FAM50B: variants seen among roughly 807,000 people sequenced by gnomAD.
The protein encoded by FAM50B is family with sequence similarity 50 member B.
FAM50B carries 9 observed loss-of-function variants against 25.4 expected under a neutral mutation model. The ratio of observed to expected loss-of-function variants is 0.35; its 90% CI spans 0.21 to 0.62. FAM50B has a LOEUF of 0.62. Ranked by LOEUF, FAM50B falls within the 20% of genes least tolerant of loss-of-function variation. The pLI, the probability that FAM50B is intolerant of heterozygous loss-of-function variation, is 0.73. For synonymous variants in FAM50B, 212 were observed against 204.3 expected (o/e 1.04, Z -0.32); for missense variants, 372 against 477.9 (o/e 0.78, Z 2.07).
At chr6:3,842,194 A>G in the FAM50B span, among the ~76,000 whole-genome samples, 1 of 152,282 alleles carries the variant, frequency 6.6e-6, no homozygotes, top group Non-Finnish European at 1.5e-5. Flanking sequence ...TGCTAAGGGC[A>G]GTATTGAAAA....
Position 3,850,054 on chromosome 6 carries a change from C to G in FAM50B, c.243C>G (p.Val81=). Residue 81 remains valine, a synonymous_variant, in exon 2 of 2, where the codon GTC becomes GTG. Coordinates refer to ENST00000648326, the MANE Select transcript of FAM50B (RefSeq NM_012135.3). ...TGAAGGCCCGGCAGGAGGCCCTGGTCAGGGAGCGCGAGCGGCAGCTGGCCA... is the reference window on the plus strand; with the variant it reads ...TGAAGGCCCGGCAGGAGGCCCTGGTGAGGGAGCGCGAGCGGCAGCTGGCCA... ...NDMKARQEAL[V]RERERQLAKR... is the part of the protein sequence containing the mutation. 1 of 1,612,430 alleles carries G rather than the reference C, an allele frequency of 6.2e-7. No homozygotes were observed. Among genetic ancestry groups the G allele is most frequent in the Non-Finnish European group, 8.5e-7 (1 of 1,179,412 alleles).
the FAM50B span, among the ~76,000 whole-genome samples, chr6:3,840,104 T>C: frequency 6.6e-6 from 1 of 151,524 alleles, no homozygotes; most frequent in African/African-American, 2.4e-5. Flanking sequence ...GCCATTCCCC[T>C]GCCTCAGCCT....
the FAM50B span, among the ~76,000 whole-genome samples, chr6:3,843,619 C>G: frequency 1.3e-5 from 2 of 152,172 alleles, no homozygotes; most frequent in African/African-American, 4.8e-5. Flanking sequence ...AAGCTTTTCC[C>G]TTCTAGTATA....
rs1369364370 is a variant in FAM50B at position 3,850,985 on chromosome 6, A to C, written c.*196A>C. On this transcript the variant is annotated 3_prime_UTR_variant, in exon 2 of 2. Coordinates refer to ENST00000648326, the MANE Select transcript of FAM50B (RefSeq NM_012135.3). ...TTGGTTGGTCTTTTCTGAGTATTTTAGTGTTGCCACCTGGATTTGCTGCAT... is the reference window on the plus strand; with the variant it reads ...TTGGTTGGTCTTTTCTGAGTATTTTCGTGTTGCCACCTGGATTTGCTGCAT... 1.2e-6 allele frequency: 1 copy of C among 861,448 alleles called. No individual in the cohort carries two copies. The highest frequency in any genetic ancestry group is 1.7e-5 in the African/African-American group (1 of 58,324). The allele number at this position is 861,448 out of a possible 1,614,324, so 53.4% of individuals were successfully genotyped here.
At chr6:3,846,514 G>C (rs1359989886), upstream of FAM50B, among the ~76,000 whole-genome samples, 1 of 152,184 alleles carries the variant, frequency 6.6e-6, no homozygotes, top group African/African-American at 2.4e-5. Flanking sequence ...GACTGATCAG[G>C]GTGGTGGTTG....
At chr6:3,838,025 G>C in the FAM50B span, among the ~76,000 whole-genome samples, 8 of 152,300 alleles carry the variant, frequency 5.3e-5, 1 homozygote, top group East Asian at 1.5e-3. Context: ...AGAGGAACTG[G>C]AACTCTCATA....
Position 3,851,085 on chromosome 6 carries a change from T to G in FAM50B, c.*296T>G. 2.6e-6 allele frequency: 1 copy of G among 384,294 alleles called. No homozygotes were observed. The highest frequency in any genetic ancestry group is 5.0e-6 in the Non-Finnish European group (1 of 201,690). The allele number at this position is 384,294 out of a possible 1,614,324, so 23.8% of individuals were successfully genotyped here. A position where few individuals can be genotyped will look rare whatever the true frequency, so the allele number is the denominator to read the frequency against. ...AAATTAGAATAGGAGGCACATTTTT[T>G]ACCTGGTGGTTATGAGCATGGACTT... On this transcript the variant is annotated 3_prime_UTR_variant, in exon 2 of 2. Transcript: ENST00000648326.
upstream of FAM50B, among the ~76,000 whole-genome samples, chr6:3,848,695 T>A (rs972562273): frequency 1.3e-5 from 2 of 152,082 alleles, no homozygotes; most frequent in African/African-American, 4.8e-5. Context: ...TCTGCCCTGC[T>A]CTTGGAGAGT....
Position 3,850,411 on chromosome 6 carries a change from G to A in FAM50B, c.600G>A (p.Thr200=), listed in dbSNP as rs751591645. The part of the protein sequence containing the change: ...SYWDGSGHRR[T]VRVRKGNTVQ... ...GGGACGGCTCGGGCCACCGGCGCAC[G>A]GTGCGGGTGCGCAAGGGCAACACGG... Residue 200 remains threonine (T), a synonymous_variant, in exon 2 of 2, where the codon ACG becomes ACA. Transcript: ENST00000648326. The A allele has an allele frequency of 6.2e-7, 1 of 1,613,322 alleles. No individual in the cohort carries two copies. The highest frequency in any genetic ancestry group is 8.5e-7 in the Non-Finnish European group (1 of 1,179,892).
chr6:3,849,698 C>G, intron 1 of FAM50B, 91 bp from the exon 2 acceptor site: 2 of 1,437,062 alleles, frequency 1.4e-6, no homozygotes, highest in Non-Finnish European at 1.8e-6. Flanking sequence ...TCCATCACTG[C>G]CGAAAGCCCT....
chr6:3,843,703 G>A, the FAM50B span, among the ~76,000 whole-genome samples: 1 of 152,094 alleles, frequency 6.6e-6, no homozygotes, highest in Non-Finnish European at 1.5e-5. Flanking sequence ...CCAAAATATT[G>A]GCTTTCCACC....
intron 1 of FAM50B, 99 bp from the exon 2 acceptor site, chr6:3,849,690 C>T: frequency 8.4e-6 from 12 of 1,432,402 alleles, no homozygotes; most frequent in Non-Finnish European, 1.1e-5. Flanking sequence ...TGAACGCTTC[C>T]ATCACTGCCG....
the FAM50B span, among the ~76,000 whole-genome samples, chr6:3,834,943 G>A: frequency 6.6e-6 from 1 of 152,184 alleles, no homozygotes. Context: ...TCTTTCAGGT[G>A]TAGAACTGCA....
In FAM50B at chr6:3,850,049, C is replaced by T. The variant is rs1762186571; in HGVS notation, c.238C>T (p.Leu80=). The change falls in exon 2 of 2, where the codon CTG becomes TTG. Residue 80 remains leucine (L), a synonymous_variant. Coordinates refer to ENST00000648326, the MANE Select transcript of FAM50B (RefSeq NM_012135.3). ...CGACATGAAGGCCCGGCAGGAGGCC[C>T]TGGTCAGGGAGCGCGAGCGGCAGCT... ...LNDMKARQEA[L]VRERERQLAK... is the part of the protein sequence containing the mutation. 1.2e-6 allele frequency: 2 copies of T among 1,612,796 alleles called. No individual in the cohort carries two copies. The highest frequency in any genetic ancestry group is 1.7e-5 in the Admixed American group (1 of 59,910).
Position 3,849,436 on chromosome 6 carries a change from C to G in FAM50B, c.-74C>G, listed in dbSNP as rs941844926. The G allele has an allele frequency of 1.5e-5, 3 of 194,884 alleles. No homozygotes were observed. The highest frequency in any genetic ancestry group is 7.0e-5 in the African/African-American group (3 of 42,658). The allele number at this position is 194,884 out of a possible 1,614,324, so 12.1% of individuals were successfully genotyped here. On this transcript the variant is annotated 5_prime_UTR_variant, in exon 1 of 2. Transcript: ENST00000648326. ...AGTGGGCCTCTGCTCGTGGGTGGTT[C>G]TCGTGGAGGTCAGCTCCCGCGTGTC... is the stretch of plus-strand genomic sequence containing the variant.
upstream of FAM50B, among the ~76,000 whole-genome samples, chr6:3,845,198 C>T (rs570693406): frequency 6.6e-6 from 1 of 152,272 alleles, no homozygotes; most frequent in Non-Finnish European, 1.5e-5. Flanking sequence ...TTCTACAGAA[C>T]AGTATATCAG....
chr6:3,837,749 C>CA, the FAM50B span, among the ~76,000 whole-genome samples: 6 of 151,524 alleles, frequency 4.0e-5, no homozygotes, highest in African/African-American at 1.5e-4. Context: ...GAAGACATCA[C>CA]AGAGAGAGAG....
chr6:3,841,544 C>T, the FAM50B span, among the ~76,000 whole-genome samples: 2 of 152,158 alleles, frequency 1.3e-5, no homozygotes, highest in African/African-American at 2.4e-5. Context: ...ATTGTTATAA[C>T]GTTGTCAGAG....
At chr6:3,844,926 C>T (rs1762104645), upstream of FAM50B, among the ~76,000 whole-genome samples, 1 of 152,090 alleles carries the variant, frequency 6.6e-6, no homozygotes, top group Non-Finnish European at 1.5e-5. Context: ...TGTAATATGC[C>T]TATTTCCTCC....
Sources: allele counts gnomAD v4.1 joint callset (sites outside exome capture counted in the v4.1 genomes callset), GRCh38; gene constraint gnomAD v4.1.1; transcripts MANE v1.5; gene names NCBI Gene and HGNC (gene_info 2026-07-23, HGNC 2026-07-21).